NPFFR1: variants seen among roughly 807,000 people sequenced by gnomAD.
NPFFR1 encodes neuropeptide FF receptor 1.
A neutral mutation model predicts 12.7 loss-of-function variants in NPFFR1; 17 were observed. The observed-to-expected ratio is 1.34, with a 90% confidence interval of 0.92 to 2.01. The LOEUF (loss-of-function observed/expected upper bound fraction) is 2.01, where lower values mean the gene tolerates loss of function less well. Among genes scored for constraint, NPFFR1 ranks in the 30% most tolerant of loss-of-function variants. The probability of loss-of-function intolerance (pLI) is 0.00; values close to 1 mark genes in which losing one functional copy is unlikely to be tolerated. For synonymous variants in NPFFR1, 296 were observed against 264.5 expected (o/e 1.12, Z -1.16); for missense variants, 604 against 606.5 (o/e 1.00, Z 0.04).
Position 70,255,457 on chromosome 10 carries a change from T to C in NPFFR1, c.793A>G (p.Arg265Gly). The change falls in exon 4 of 4, where the codon AGA becomes GGA. Residue 265 changes from arginine to glycine, a missense_variant. Arg to Gly is a moderately radical substitution (Grantham distance 125, BLOSUM62 -2). Coordinates refer to ENST00000277942, the MANE Select transcript of NPFFR1 (RefSeq NM_022146.5). This position sits in a 1 kb window ranked among gnomAD's most constrained non-coding sequence, Gnocchi z 4.2. ...ACCAGCATGTGCACCACGCGCGCTCTGCGCCGCGATGCTCGCGGGTCCGCA... is the reference window on the plus strand; with the variant it reads ...ACCAGCATGTGCACCACGCGCGCTCCGCGCCGCGATGCTCGCGGGTCCGCA... ...EAADPRASRR[R>G]ARVVHMLVMV... 6.5e-7 allele frequency: 1 copy of C among 1,547,980 alleles called. No individual in the cohort carries two copies. The highest frequency in any genetic ancestry group is 8.7e-7 in the Non-Finnish European group (1 of 1,146,224).
intron 1 of NPFFR1, among the ~76,000 whole-genome samples, chr10:70,279,307 C>T (rs915680233): frequency 1.3e-4 from 19 of 151,996 alleles, no homozygotes; most frequent in African/African-American, 2.2e-4. Context: ...CCACCACACC[C>T]GGCTAATTTT....
Position 70,266,444 on chromosome 10 carries a change from G to T in NPFFR1, c.8-53C>A, listed in dbSNP as rs541788992. 21 of 1,417,320 alleles carry T rather than the reference G, an allele frequency of 1.5e-5. No homozygotes were observed. The African/African-American group carries it at 2.4e-4, about 16-fold the overall frequency. 87.8% of individuals were successfully genotyped at this position (1,417,320 alleles called of 1,614,324 possible). A position where few individuals can be genotyped will look rare whatever the true frequency, so the allele number is the denominator to read the frequency against. ...GACCTTAGGCAAAGAAGAGATTACC[G>T]ATTTCTCACCACTAATGAGACCCTC... On this transcript the variant is annotated intron_variant, in intron 1 of 3. Coordinates refer to ENST00000277942, the MANE Select transcript of NPFFR1 (RefSeq NM_022146.5).
intron 1 of NPFFR1, among the ~76,000 whole-genome samples, chr10:70,275,131 G>T (rs1475976823): frequency 6.6e-6 from 1 of 152,222 alleles, no homozygotes; most frequent in African/African-American, 2.4e-5. Context: ...CAAAGAATTT[G>T]AGGGCTGAGT....
At chr10:70,265,363 T>C (rs527800275) in intron 2 of NPFFR1, among the ~76,000 whole-genome samples, 1 of 152,304 alleles carries the variant, frequency 6.6e-6, no homozygotes, top group East Asian at 1.9e-4. Context: ...AACTTGATTC[T>C]AAAACAAGAA....
chr10:70,262,141 T>C (rs922005606), intron 2 of NPFFR1, among the ~76,000 whole-genome samples: 7 of 152,052 alleles, frequency 4.6e-5, no homozygotes, highest in Non-Finnish European at 1.5e-5. Flanking sequence ...ATAATGAGAG[T>C]GATGCCTCTC....
intron 2 of NPFFR1, among the ~76,000 whole-genome samples, chr10:70,261,094 C>T (rs938031863): frequency 6.6e-6 from 1 of 152,080 alleles, no homozygotes; most frequent in African/African-American, 2.4e-5. Context: ...GTATCCCCAC[C>T]CAAATCTCAT....
intron 1 of NPFFR1, among the ~76,000 whole-genome samples, chr10:70,278,929 T>C (rs1470281898): frequency 6.6e-6 from 1 of 152,190 alleles, no homozygotes; most frequent in Admixed American, 6.5e-5. Flanking sequence ...ATTGACATGA[T>C]TTTTATATTT....
rs753855623 is a variant in NPFFR1 at position 70,255,495 on chromosome 10, C to T, written c.755G>A (p.Gly252Glu). The change falls in exon 4 of 4, where the codon GGG (glycine) becomes GAG (glutamate). Residue 252 changes from glycine to glutamate, a missense_variant. By Grantham distance (98) the Gly-to-Glu change is moderately conservative. Coordinates refer to ENST00000277942, the MANE Select transcript of NPFFR1 (RefSeq NM_022146.5). This position sits in a 1 kb window ranked among gnomAD's most constrained non-coding sequence, Gnocchi z 4.2. Reference protein sequence around the residue: ...KLCQAPGPAPGGEEAADPRAS... With the variant: ...KLCQAPGPAPEGEEAADPRAS... ...TCGCGGGTCCGCAGCCTCCTCGCCC[C>T]CGGGGGCCGGGCCCGGGGCCTGGCA... 4.1e-5 allele frequency: 64 copies of T among 1,547,470 alleles called. No individual in the cohort carries two copies. The highest frequency in any genetic ancestry group is 5.2e-5 in the Non-Finnish European group (59 of 1,145,378).
Position 70,255,745 on chromosome 10 carries a change from C to G in NPFFR1, c.505G>C (p.Ala169Pro). Residue 169 changes from alanine to proline, a missense_variant, in exon 4 of 4, where the codon GCG (alanine) becomes CCG (proline). Ala to Pro is a conservative substitution (Grantham distance 27). Coordinates refer to ENST00000277942, the MANE Select transcript of NPFFR1 (RefSeq NM_022146.5). This position sits in a 1 kb window ranked among gnomAD's most constrained non-coding sequence, Gnocchi z 4.2. ...GCCGAGGGACACATGATGAGCAGCGCCAGGGCCCAGATGACGGCGATGGTG... is the reference window on the plus strand; with the variant it reads ...GCCGAGGGACACATGATGAGCAGCGGCAGGGCCCAGATGACGGCGATGGTG... ...LVTIAVIWALALLIMCPSAVT... is the reference protein window; with the variant it reads ...LVTIAVIWALPLLIMCPSAVT... The G allele has an allele frequency of 6.2e-7, 1 of 1,611,514 alleles. No individual in the cohort carries two copies. The highest frequency in any genetic ancestry group is 1.3e-5 in the African/African-American group (1 of 74,992).
chr10:70,276,128 C>A (rs569404170), intron 1 of NPFFR1, among the ~76,000 whole-genome samples: 1 of 152,292 alleles, frequency 6.6e-6, no homozygotes, highest in South Asian at 2.1e-4. Flanking sequence ...AGGAACTTTG[C>A]CTTCCTGAGG....
rs1564592876 is a variant in NPFFR1, at chr10:70,255,600, G to GTGTA, written c.646_649dup (p.Thr217IlefsTer171). ...GTAGATGTGCGAGAAGAGCACAGTG[G>GTGTA]TGTAGACCCTGCGCATGCCCTTCTC... On this transcript the variant is annotated frameshift_variant, in exon 4 of 4. Transcript: ENST00000277942. LOFTEE classifies it low-confidence loss of function (END_TRUNC). This position sits in a 1 kb window ranked among gnomAD's most constrained non-coding sequence, Gnocchi z 4.2. 1.3e-6 allele frequency: 2 copies of GTGTA among 1,558,466 alleles called. No homozygotes were observed. The highest frequency in any genetic ancestry group is 1.2e-5 in the South Asian group (1 of 84,444).
intron 2 of NPFFR1, 63 bp downstream of exon 2, chr10:70,266,014 C>T (rs1162865544): frequency 3.4e-6 from 5 of 1,457,206 alleles, no homozygotes; most frequent in Non-Finnish European, 4.7e-6. Context: ...TGATTTCCAG[C>T]CTTATCTGAG....
In NPFFR1 at chr10:70,254,705, T is replaced by G. The variant is rs1297454890; in HGVS notation, c.*252A>C. On this transcript the variant is annotated 3_prime_UTR_variant, in exon 4 of 4. Transcript: ENST00000277942. ...AAGACAACCTATCTCCAAAGCGTTGTGACAATTCAGTGAGATGATGTTTGT... is the reference window on the plus strand; with the variant it reads ...AAGACAACCTATCTCCAAAGCGTTGGGACAATTCAGTGAGATGATGTTTGT... 1 of 405,440 alleles carries G rather than the reference T, an allele frequency of 2.5e-6. No individual in the cohort carries two copies. The highest frequency in any genetic ancestry group is 4.3e-6 in the Non-Finnish European group (1 of 233,438). 25.1% of individuals were successfully genotyped at this position (405,440 alleles called of 1,614,324 possible).
In NPFFR1 at chr10:70,266,396, G is replaced by C. The variant is rs759858753; in HGVS notation, c.8-5C>G. ...TGGGAGGCTGGGAGGGCTCCCCTAGGACCAAAGGAATATATTGGTCAGGAC... is the reference window on the plus strand; with the variant it reads ...TGGGAGGCTGGGAGGGCTCCCCTAGCACCAAAGGAATATATTGGTCAGGAC... On this transcript the variant is annotated splice_region_variant and splice_polypyrimidine_tract_variant and intron_variant, in intron 1 of 3. Transcript: ENST00000277942. 6.2e-7 allele frequency: 1 copy of C among 1,608,002 alleles called. No individual in the cohort carries two copies. Among genetic ancestry groups the C allele is most frequent in the Non-Finnish European group, 8.5e-7 (1 of 1,176,768 alleles).
At position 70,252,641 on chromosome 10, in the gene NPFFR1, G is replaced by A. The variant is rs571351987; in HGVS notation, c.*2316C>T. 33 of 152,318 alleles carry A rather than the reference G, an allele frequency of 2.2e-4. No homozygotes were observed. Among genetic ancestry groups the A allele is most frequent in the African/African-American group, 7.2e-4 (30 of 41,566 alleles). The allele number at this position is 152,318 out of a possible 1,614,324, so 9.4% of individuals were successfully genotyped here. ...CCTGTTATCACTCAGATCTGAATGG[G>A]CAGGTATAGCCTCTGATTGATTTTT... On this transcript the variant is annotated 3_prime_UTR_variant, in exon 4 of 4. Transcript: ENST00000277942.
chr10:70,274,154 T>A (rs1292964265), intron 1 of NPFFR1, among the ~76,000 whole-genome samples: 2 of 152,164 alleles, frequency 1.3e-5, no homozygotes, highest in Non-Finnish European at 2.9e-5. Context: ...TGACTGCATA[T>A]AACAGAGGTT....
In NPFFR1 at chr10:70,255,100, G is replaced by A; in HGVS notation, c.1150C>T (p.Pro384Ser). The A allele has an allele frequency of 6.8e-7, 1 of 1,479,128 alleles. No individual in the cohort carries two copies. Among genetic ancestry groups the A allele is most frequent in the Non-Finnish European group, 8.9e-7 (1 of 1,119,796 alleles). 91.6% of individuals were successfully genotyped at this position (1,479,128 alleles called of 1,614,324 possible). A position where few individuals can be genotyped will look rare whatever the true frequency, so the allele number is the denominator to read the frequency against. Reference protein sequence around the residue: ...VVVRPSDSGLPSESGPSSGAP... With the variant: ...VVVRPSDSGLSSESGPSSGAP... The stretch of plus-strand genomic sequence containing the variant: ...CCACTGCTAGGGCCCGACTCAGAGG[G>A]CAGCCCGGAGTCGCTGGGCCGCACC... Residue 384 changes from proline (P) to serine (S), a missense_variant, in exon 4 of 4, where the codon CCC (proline) becomes TCC (serine). Transcript: ENST00000277942. This position sits in a 1 kb window ranked among gnomAD's most constrained non-coding sequence, Gnocchi z 4.2.
chr10:70,249,147 C>G lies in NPFFR1; in HGVS notation c.*5810G>C, dbSNP rs951414286. 6.6e-6 allele frequency: 1 copy of G among 152,066 alleles called. No homozygotes were observed. The highest frequency in any genetic ancestry group is 2.4e-5 in the African/African-American group (1 of 41,392). The allele number at this position is 152,066 out of a possible 1,614,324, so 9.4% of individuals were successfully genotyped here. A position where few individuals can be genotyped will look rare whatever the true frequency, so the allele number is the denominator to read the frequency against. ...AGCATGGTGGCTCGCGCCTGTAATC[C>G]CAGCACTTTGGGAGGCCGAGGCGGG... On this transcript the variant is annotated 3_prime_UTR_variant, in exon 4 of 4. Coordinates refer to ENST00000277942, the MANE Select transcript of NPFFR1 (RefSeq NM_022146.5).
chr10:70,267,899 GGGAGGC>G (rs1400383421), intron 1 of NPFFR1, among the ~76,000 whole-genome samples: 1 of 152,138 alleles, frequency 6.6e-6, no homozygotes, highest in Non-Finnish European at 1.5e-5. Flanking sequence ...GGACTGCGGC[GGGAGGC>G]GGACAACCTG....
Sources: gnomAD v4.1 joint callset for allele counts (sites outside exome capture counted in the v4.1 genomes callset) on GRCh38, gnomAD v4.1.1 for gene constraint, Gnocchi (gnomAD v3.1) non-coding constraint, MANE v1.5 for transcripts, NCBI Gene and HGNC (gene_info 2026-07-23, HGNC 2026-07-21) for gene names.